Variants in GABRB3 observed in about 807,000 individuals in gnomAD.
GABRB3 encodes gamma-aminobutyric acid type A receptor subunit beta3, also known as gamma-aminobutyric acid receptor subunit beta-3.
A neutral mutation model predicts 52.1 loss-of-function variants in GABRB3; 14 were observed. The ratio of observed to expected loss-of-function variants is 0.27; its 90% CI spans 0.18 to 0.42. GABRB3 has a LOEUF of 0.42. GABRB3 is among the 10% of genes least tolerant of loss of function. The pLI, the probability that GABRB3 is intolerant of heterozygous loss-of-function variation, is 1.00. For missense variants in GABRB3, 307 were observed against 609.1 expected (o/e 0.50, Z 5.22); for synonymous variants, 260 against 232.3 (o/e 1.12, Z -1.08).
chr15:26,667,492 C>T (rs1339137396), intron 3 of GABRB3, among the ~76,000 whole-genome samples: 1 of 152,156 alleles, frequency 6.6e-6, no homozygotes, highest in Non-Finnish European at 1.5e-5. Flanking sequence ...ACTCCAAAGG[C>T]GGGGTGCTAG....
At chr15:26,663,355 TTGTC>T (rs1451431997) in intron 3 of GABRB3, among the ~76,000 whole-genome samples, 8 of 152,198 alleles carry the variant, frequency 5.3e-5, no homozygotes, top group Admixed American at 3.9e-4. Flanking sequence ...AATTGTGAAT[TTGTC>T]TGTTTCTCCT....
intron 3 of GABRB3, among the ~76,000 whole-genome samples, chr15:26,653,143 G>T (rs1012145515): frequency 2.0e-5 from 3 of 152,156 alleles, no homozygotes; most frequent in African/African-American, 7.2e-5. Flanking sequence ...AAATAAGATG[G>T]ATAACAGACC....
In GABRB3 at chr15:26,545,834, G is replaced by C; in HGVS notation, c.*1959C>G. 6.6e-6 allele frequency: 1 copy of C among 152,556 alleles called. No homozygotes were observed. The highest frequency in any genetic ancestry group is 1.9e-4 in the East Asian group (1 of 5,188). 9.5% of individuals were successfully genotyped at this position (152,556 alleles called of 1,614,324 possible). ...AAATAAAACCAGAGAGCAGCGATTA[G>C]GAGGAAAAAGATAGGAATGAAAGAG... On this transcript the variant is annotated 3_prime_UTR_variant, in exon 9 of 9. Coordinates refer to ENST00000311550, the MANE Select transcript of GABRB3 (RefSeq NM_000814.6).
At chr15:26,641,457 G>C (rs1450361212) in intron 3 of GABRB3, among the ~76,000 whole-genome samples, 1 of 152,248 alleles carries the variant, frequency 6.6e-6, no homozygotes, top group Non-Finnish European at 1.5e-5. Flanking sequence ...TGGCATAGCT[G>C]AGGTTCAAAA....
intron 6 of GABRB3, among the ~76,000 whole-genome samples, chr15:26,579,582 A>G (rs1247345626): frequency 6.6e-6 from 1 of 152,166 alleles, no homozygotes; most frequent in Non-Finnish European, 1.5e-5. Flanking sequence ...AGCATTTTCA[A>G]CCAAGAGTTG....
At chr15:26,651,083 T>A (rs1887182991) in intron 3 of GABRB3, among the ~76,000 whole-genome samples, 1 of 152,230 alleles carries the variant, frequency 6.6e-6, no homozygotes, top group Non-Finnish European at 1.5e-5. Flanking sequence ...ACAGGCCCTT[T>A]GCCCTCACTG....
intron 3 of GABRB3, among the ~76,000 whole-genome samples, chr15:26,709,502 CT>C (rs1167649348): frequency 6.9e-5 from 9 of 131,300 alleles, no homozygotes; most frequent in Admixed American, 2.6e-4. Context: ...AACCTCTTTT[CT>C]TTTTTTTCTT....
intron 3 of GABRB3, among the ~76,000 whole-genome samples, chr15:26,731,778 A>G (rs1566822398): frequency 6.6e-6 from 1 of 152,238 alleles, no homozygotes; most frequent in Non-Finnish European, 1.5e-5. Flanking sequence ...TGAACACGAA[A>G]AAGCAGATCC....
intron 6 of GABRB3, 109 bp from the exon 7 acceptor site, chr15:26,567,842 A>T: frequency 9.5e-7 from 1 of 1,054,056 alleles, no homozygotes; most frequent in South Asian, 1.3e-5. Flanking sequence ...TCTGCGAATA[A>T]AGGGGTGACC....
chr15:26,746,582 G>GGTTTTTTT (rs1555381597), intron 3 of GABRB3, among the ~76,000 whole-genome samples: 1 of 126,028 alleles, frequency 7.9e-6, no homozygotes. Flanking sequence ...TCCGTTTTTT[G>GGTTTTTTT]TTTTTTTTTT....
chr15:26,681,734 G>C (rs1888246777), intron 3 of GABRB3, among the ~76,000 whole-genome samples: 1 of 152,132 alleles, frequency 6.6e-6, no homozygotes, highest in Admixed American at 6.5e-5. Flanking sequence ...GGCCAAGGTG[G>C]GTGAATAGCT....
At chr15:26,587,079 T>C (rs899512203) in intron 4 of GABRB3, among the ~76,000 whole-genome samples, 1 of 152,228 alleles carries the variant, frequency 6.6e-6, no homozygotes, top group Non-Finnish European at 1.5e-5. Context: ...TTTGAGGTGA[T>C]GGATATGTTA....
chr15:26,621,505 T>C lies in GABRB3; in HGVS notation c.270A>G (p.Gln90=), dbSNP rs1451332356. 3.7e-6 allele frequency: 6 copies of C among 1,613,786 alleles called. No individual in the cohort carries two copies. Among genetic ancestry groups the C allele is most frequent in the Non-Finnish European group, 1.7e-6 (2 of 1,179,678 alleles). Residue 90 remains glutamine, a synonymous_variant, in exon 4 of 9, where the codon CAA becomes CAG. Transcript: ENST00000311550. This position sits in a 1 kb window ranked among gnomAD's most constrained non-coding sequence, Gnocchi z 4.1. ...AGGCGAGCCTTTTATCTCTCCAATA[T>C]TGTTGAAAATACATGGTTAAGGTAT... ...MDYTLTMYFQ[Q]YWRDKRLAYS...
chr15:26,773,579 C>A, upstream of GABRB3: 2 of 1,371,014 alleles, frequency 1.5e-6, no homozygotes, highest in East Asian at 2.6e-5. Flanking sequence ...CGCGCCTCTG[C>A]CCGCCGGACT....
At chr15:26,709,511 C>CTTTTTTTTTTTTTTTTTTTTTTT (rs1340109061) in intron 3 of GABRB3, among the ~76,000 whole-genome samples, 1 of 112,494 alleles carries the variant, frequency 8.9e-6, no homozygotes, top group African/African-American at 2.9e-5. Context: ...TCTTTTTTTT[C>CTTTTTTTTTTTTTTTTTTTTTTT]TTTCTTTTTT....
chr15:26,624,226 G>A (rs1892596102), intron 3 of GABRB3: 2 of 985,648 alleles, frequency 2.0e-6, no homozygotes, highest in South Asian at 9.4e-5. Context: ...GGTGTGGGCG[G>A]TGCGCTGGAA....
chr15:26,699,596 A>G (rs28606571), intron 3 of GABRB3, among the ~76,000 whole-genome samples: 3,632 of 152,248 alleles, frequency 0.024, 142 homozygotes, highest in African/African-American at 0.083. Flanking sequence ...CTAGATCCAC[A>G]AAAGATAACA....
chr15:26,741,558 T>C (rs1358421491), intron 3 of GABRB3, among the ~76,000 whole-genome samples: 1 of 152,190 alleles, frequency 6.6e-6, no homozygotes, highest in Non-Finnish European at 1.5e-5. Context: ...CGTATGCTGG[T>C]TTTGCAAATA....
chr15:26,660,152 C>G (rs1396879672), intron 3 of GABRB3, among the ~76,000 whole-genome samples: 2 of 151,924 alleles, frequency 1.3e-5, no homozygotes, highest in Non-Finnish European at 2.9e-5. Flanking sequence ...ATTGCTTGAA[C>G]CCGGGAGGTG....
Sources: allele counts gnomAD v4.1 joint callset (sites outside exome capture counted in the v4.1 genomes callset), GRCh38; gene constraint gnomAD v4.1.1; non-coding constraint Gnocchi (gnomAD v3.1); transcripts MANE v1.5; gene names NCBI Gene and HGNC (gene_info 2026-07-23, HGNC 2026-07-21).